The following ACAA2 variants were observed in gnomAD, a reference collection of about 807,000 sequenced individuals.
ACAA2 encodes the protein 3-ketoacyl-CoA thiolase, mitochondrial.
Under a neutral mutation model 44.8 loss-of-function variants are expected in ACAA2, and 35 were observed. The observed-to-expected ratio is 0.78, with a 90% CI of 0.60 to 1.04. The LOEUF is 1.04. ACAA2 is among the 50% of genes least tolerant of loss of function. The probability of loss-of-function intolerance (pLI) is 0.00; values close to 1 mark genes in which losing one functional copy is unlikely to be tolerated. For missense variants in ACAA2, 468 were observed against 482.6 expected (o/e 0.97, Z 0.28); for synonymous variants, 142 against 166.5 (o/e 0.85, Z 1.13).
At chr18:49,784,947 G>A (rs764958983) in intron 9 of ACAA2, among the ~76,000 whole-genome samples, 6 of 152,024 alleles carry the variant, frequency 3.9e-5, no homozygotes, top group Non-Finnish European at 7.4e-5. Flanking sequence ...AGCTGAGTGG[G>A]GCACACAGTG....
At chr18:49,812,256 C>T (rs2023678969) in intron 1 of ACAA2, among the ~76,000 whole-genome samples, 1 of 152,142 alleles carries the variant, frequency 6.6e-6, no homozygotes, top group Non-Finnish European at 1.5e-5. Flanking sequence ...CTTTCAGATC[C>T]CCCTAACCAA....
At position 49,795,870 on chromosome 18, in the gene ACAA2, A is replaced by G. The variant is rs1232386373; in HGVS notation, c.324T>C (p.Val108=). The change falls in exon 4 of 10, where the codon GTT becomes GTC. Residue 108 remains valine, a synonymous_variant. Transcript: ENST00000285093. ...CACATAAAACAACTTCAGCTTCTTT[A>G]ACACAAATTTCCTATTTAAAAACAA... ...SIVNGCQEIC[V]KEAEVVLCGG... 1.2e-6 allele frequency: 2 copies of G among 1,609,302 alleles called. No homozygotes were observed. The highest frequency in any genetic ancestry group is 2.7e-5 in the African/African-American group (2 of 74,760).
chr18:49,797,372 C>A, intron 3 of ACAA2, 94 bp downstream of exon 3: 1 of 1,176,404 alleles, frequency 8.5e-7, no homozygotes, highest in Non-Finnish European at 1.2e-6. Flanking sequence ...CTCAAGCAAT[C>A]CTCCCTAAAG....
At chr18:49,794,801 C>A (rs1343762232) in intron 4 of ACAA2, among the ~76,000 whole-genome samples, 1 of 152,182 alleles carries the variant, frequency 6.6e-6, no homozygotes, top group African/African-American at 2.4e-5. Flanking sequence ...TTATAGCCAT[C>A]TTTGTAAACC....
chr18:49,803,589 A>T (rs2023581138), intron 1 of ACAA2, among the ~76,000 whole-genome samples: 1 of 152,158 alleles, frequency 6.6e-6, no homozygotes. Context: ...TCGTCCTGCT[A>T]CACTGTGATG....
At position 49,791,535 on chromosome 18, in the gene ACAA2, A is replaced by G. The variant is rs543656657; in HGVS notation, c.818T>C (p.Phe273Ser). ...ASEDAVKKHN[F>S]TPLARIVGYF... ...GCCCACAATTCTTGCCAGTGGTGTGAAGTTATGTTTCTTAACAGCATCTTC... is the reference window on the plus strand; with the variant it reads ...GCCCACAATTCTTGCCAGTGGTGTGGAGTTATGTTTCTTAACAGCATCTTC... Residue 273 changes from phenylalanine to serine, a missense_variant, in exon 7 of 10, where the codon TTC becomes TCC. Coordinates refer to ENST00000285093, the MANE Select transcript of ACAA2 (RefSeq NM_006111.3). 1.9e-6 allele frequency: 3 copies of G among 1,612,994 alleles called. No individual in the cohort carries two copies. Among genetic ancestry groups the G allele is most frequent in the East Asian group, 2.2e-5 (1 of 44,848 alleles).
intron 7 of ACAA2, 45 bp downstream of exon 7, chr18:49,791,425 C>G (rs747505009): frequency 2.5e-5 from 39 of 1,579,798 alleles, no homozygotes; most frequent in Non-Finnish European, 2.9e-5. Context: ...AGAAGACTTA[C>G]CTCCAGAAAT....
intron 1 of ACAA2, among the ~76,000 whole-genome samples, chr18:49,805,727 C>A (rs1317394544): frequency 6.6e-6 from 1 of 152,034 alleles, no homozygotes; most frequent in Non-Finnish European, 1.5e-5. Flanking sequence ...CAGGCATGTG[C>A]CACCACACCT....
chr18:49,803,928 G>A (rs74673569), intron 1 of ACAA2, among the ~76,000 whole-genome samples: 1 of 99,910 alleles, frequency 1.0e-5, no homozygotes, highest in Non-Finnish European at 2.0e-5. Flanking sequence ...TTTTTTTTTG[G>A]AGACAGAGTT....
At chr18:49,812,622 A>T (rs2023683403) in intron 1 of ACAA2, 1 of 152,178 alleles carries the variant, frequency 6.6e-6, no homozygotes, top group Non-Finnish European at 1.5e-5. Context: ...CTTCGCCATT[A>T]CACAGACCGC....
intron 7 of ACAA2, among the ~76,000 whole-genome samples, chr18:49,789,324 C>T (rs1344402419): frequency 3.3e-5 from 5 of 152,176 alleles, no homozygotes; most frequent in Non-Finnish European, 7.3e-5. Context: ...ATTCTCCCCA[C>T]TTATTCATCT....
chr18:49,789,727 TAATCCTAGCACTTTGG>T (rs2023376027), intron 7 of ACAA2, among the ~76,000 whole-genome samples: 1 of 149,414 alleles, frequency 6.7e-6, no homozygotes, highest in Non-Finnish European at 1.5e-5. Context: ...CTCACGCCTG[TAATCCTAGCACTTTGG>T]GAGGCTGAGG....
In ACAA2 at chr18:49,783,697, C is replaced by G. The variant is rs2023292123; in HGVS notation, c.*150G>C. On this transcript the variant is annotated 3_prime_UTR_variant, in exon 10 of 10. Transcript: ENST00000285093. ...CATGGGCTCCTATTCATGATCAATG[C>G]ATTTTTGTGTCACCATGGCTTGATC... 1.6e-6 allele frequency: 1 copy of G among 607,638 alleles called. No individual in the cohort carries two copies. Among genetic ancestry groups the G allele is most frequent in the African/African-American group, 1.9e-5 (1 of 53,952 alleles). The allele number at this position is 607,638 out of a possible 1,614,324, so 37.6% of individuals were successfully genotyped here.
intron 2 of ACAA2, 128 bp downstream of exon 2, chr18:49,802,558 CT>C: frequency 3.0e-6 from 2 of 675,606 alleles, no homozygotes; most frequent in African/African-American, 6.0e-5. Context: ...GAGACTCCAT[CT>C]CAAAAAAAAA....
At chr18:49,795,491 C>G (rs2023454638) in intron 4 of ACAA2, among the ~76,000 whole-genome samples, 1 of 152,148 alleles carries the variant, frequency 6.6e-6, no homozygotes, top group South Asian at 2.1e-4. Context: ...CTCCATCTCT[C>G]CCATGCCTAT....
chr18:49,785,471 CA>C (rs1438195674), intron 8 of ACAA2, 120 bp from the exon 9 acceptor site: 5 of 930,924 alleles, frequency 5.4e-6, no homozygotes, highest in Non-Finnish European at 8.2e-6. Flanking sequence ...AATTACCTCG[CA>C]AAGTTATTTT....
intron 1 of ACAA2, among the ~76,000 whole-genome samples, chr18:49,803,140 A>G (rs2023574673): frequency 6.6e-6 from 1 of 151,936 alleles, no homozygotes; most frequent in Admixed American, 6.6e-5. Context: ...TGCCTAGTTT[A>G]TAAAACAGGA....
At chr18:49,792,807 A>G (rs1449452167) in intron 5 of ACAA2, among the ~76,000 whole-genome samples, 1 of 152,144 alleles carries the variant, frequency 6.6e-6, no homozygotes, top group Non-Finnish European at 1.5e-5. Flanking sequence ...CGATACCATC[A>G]TGTGTTTATG....
At chr18:49,793,479 A>G (rs1443859420) in intron 5 of ACAA2, among the ~76,000 whole-genome samples, 3 of 152,354 alleles carry the variant, frequency 2.0e-5, no homozygotes, top group East Asian at 3.8e-4. Context: ...AACAGAACTG[A>G]TAACTCTTGA....
Sources: allele counts gnomAD v4.1 joint callset (sites outside exome capture counted in the v4.1 genomes callset), GRCh38; gene constraint gnomAD v4.1.1; transcripts MANE v1.5; gene names NCBI Gene and HGNC (gene_info 2026-07-23, HGNC 2026-07-21).